GNG7: variants seen among roughly 807,000 people sequenced by gnomAD.
GNG7 encodes G protein subunit gamma 7.
Under a neutral mutation model 4.0 loss-of-function variants are expected in GNG7, and 1 was observed. That is an observed-to-expected ratio of 0.25 (90% CI 0.09 to 1.18). GNG7 has a LOEUF of 1.18. Among genes scored for constraint, GNG7 ranks in the 50% most tolerant of loss-of-function variants. The pLI is 0.50. For missense variants in GNG7, 86 were observed against 91.9 expected (o/e 0.94, Z 0.26); for synonymous variants, 34 against 36.9 (o/e 0.92, Z 0.29).
Position 2,633,812 on chromosome 19 carries a change from G to A in GNG7, c.-78+12412C>T, listed in dbSNP as rs1452540334. ...CTTCTGCACCGGGCCTTCTCCCCCC[G>A]GCACTGTGGGCATTTGGGGCTGAAT... On this transcript the variant is annotated intron_variant, in intron 2 of 4. Coordinates refer to ENST00000382159, the MANE Select transcript of GNG7 (RefSeq NM_052847.3). This position sits in a 1 kb window ranked among gnomAD's most constrained non-coding sequence, Gnocchi z 5.9. 2.6e-5 allele frequency among the ~76,000 whole-genome samples: 4 copies of A among 152,188 alleles called. No homozygotes were observed. In the East Asian group the frequency reaches 5.8e-4, roughly 22 times the overall value.
rs73510507 is a variant in GNG7 at position 2,634,345 on chromosome 19, G to A, written c.-78+11879C>T. ...TCCATGCCAGGAGCTCCCCCAAGTC[G>A]CGAAAACCACAGATGTCCCAGAAAT... is the stretch of plus-strand genomic sequence containing the variant. On this transcript the variant is annotated intron_variant, in intron 2 of 4. Coordinates refer to ENST00000382159, the MANE Select transcript of GNG7 (RefSeq NM_052847.3). This position sits in a 1 kb window ranked among gnomAD's most constrained non-coding sequence, Gnocchi z 5.3. Among the ~76,000 whole-genome samples the A allele has an allele frequency of 0.13, 20,359 of 152,100 alleles. 2,002 individuals are homozygous for A. Among genetic ancestry groups the A allele is most frequent in the African/African-American group, 0.27 (11,341 of 41,432 alleles).
intron 2 of GNG7, among the ~76,000 whole-genome samples, chr19:2,592,959 A>G (rs1009123939): frequency 5.5e-5 from 8 of 146,032 alleles, no homozygotes; most frequent in African/African-American, 2.0e-4. Context: ...CGGAAGAAAG[A>G]AAGAAAGGGA....
At chr19:2,656,263 C>A (rs1248688319) in intron 1 of GNG7, among the ~76,000 whole-genome samples, 1 of 152,082 alleles carries the variant, frequency 6.6e-6, no homozygotes, top group East Asian at 1.9e-4. Context: ...TTCACAATAG[C>A]CGAGATAGGA....
At chr19:2,636,896 C>T (rs1391565658) in intron 2 of GNG7, among the ~76,000 whole-genome samples, 13 of 151,912 alleles carry the variant, frequency 8.6e-5, no homozygotes, top group Admixed American at 8.5e-4. Flanking sequence ...CCACCTGCAC[C>T]CACCTGAACC....
Position 2,633,509 on chromosome 19 carries a change from A to G in GNG7, c.-78+12715T>C, listed in dbSNP as rs992634853. On this transcript the variant is annotated intron_variant, in intron 2 of 4. Transcript: ENST00000382159. This position sits in a 1 kb window ranked among gnomAD's most constrained non-coding sequence, Gnocchi z 5.9. ...CGCGCACACACACACACACACACAC[A>G]CACACACACACACACGAGAGGTGGC... is the stretch of plus-strand genomic sequence containing the variant. Among the ~76,000 whole-genome samples the G allele has an allele frequency of 3.4e-5, 5 of 148,730 alleles. No homozygotes were observed. Among genetic ancestry groups the G allele is most frequent in the Non-Finnish European group, 5.9e-5 (4 of 67,678 alleles).
chr19:2,630,264 C>T (rs1282292530), intron 2 of GNG7, among the ~76,000 whole-genome samples: 1 of 152,050 alleles, frequency 6.6e-6, no homozygotes, highest in East Asian at 1.9e-4. Context: ...TCTAAGATCT[C>T]CCTGGAGAAC....
At chr19:2,519,039 G>A (rs1467292762) in intron 4 of GNG7, among the ~76,000 whole-genome samples, 2 of 150,528 alleles carry the variant, frequency 1.3e-5, no homozygotes, top group African/African-American at 2.5e-5. Flanking sequence ...CTTGTGATCC[G>A]CCCACCTCAG....
intron 2 of GNG7, among the ~76,000 whole-genome samples, chr19:2,628,098 A>G (rs866770680): frequency 6.6e-6 from 1 of 152,230 alleles, no homozygotes; most frequent in Non-Finnish European, 1.5e-5. Flanking sequence ...CAATCTCAAC[A>G]TGGCAAACAA....
At chr19:2,575,888 C>G (rs902606073) in intron 2 of GNG7, among the ~76,000 whole-genome samples, 1 of 151,180 alleles carries the variant, frequency 6.6e-6, no homozygotes, top group African/African-American at 2.4e-5. Context: ...CGCAGGCACA[C>G]GCAGACACGC....
intron 2 of GNG7, among the ~76,000 whole-genome samples, chr19:2,607,052 C>G (rs1981406517): frequency 6.6e-6 from 1 of 151,738 alleles, no homozygotes; most frequent in African/African-American, 2.4e-5. Context: ...GAGACCCTGT[C>G]TCCACGAAAA....
chr19:2,643,305 C>T (rs552797654), intron 2 of GNG7: 2 of 416,386 alleles, frequency 4.8e-6, no homozygotes, highest in Middle Eastern at 3.3e-4. Context: ...ATGCAAAGTC[C>T]GAGACCTCCC....
chr19:2,640,636 CT>C (rs900363349), intron 2 of GNG7, among the ~76,000 whole-genome samples: 5 of 151,966 alleles, frequency 3.3e-5, no homozygotes, highest in African/African-American at 1.2e-4. Context: ...TTAGCTGTTG[CT>C]TTTTTTGGAG....
At chr19:2,586,653 A>G (rs967569531) in intron 2 of GNG7, among the ~76,000 whole-genome samples, 3 of 152,168 alleles carry the variant, frequency 2.0e-5, no homozygotes, top group African/African-American at 7.2e-5. Context: ...GCATCCCTCA[A>G]TGGGAACTCA....
intron 1 of GNG7, among the ~76,000 whole-genome samples, chr19:2,695,296 C>T (rs73920493): frequency 0.015 from 2,348 of 151,536 alleles, 79 homozygotes; most frequent in African/African-American, 0.053. Flanking sequence ...CCCCCCTGGA[C>T]GACTTCTTAT....
intron 1 of GNG7, among the ~76,000 whole-genome samples, chr19:2,685,122 C>T (rs1983839559): frequency 6.9e-6 from 1 of 144,400 alleles, no homozygotes; most frequent in Admixed American, 6.9e-5. Flanking sequence ...GAGACTCTGT[C>T]TAAAAAAAAA....
intron 3 of GNG7, among the ~76,000 whole-genome samples, chr19:2,550,256 C>G (rs890139067): frequency 6.6e-6 from 1 of 152,126 alleles, no homozygotes; most frequent in Non-Finnish European, 1.5e-5. Flanking sequence ...CTTGCTCTGT[C>G]GCCGAGGCTG....
chr19:2,599,050 G>A (rs1457347620), intron 2 of GNG7, among the ~76,000 whole-genome samples: 1 of 152,200 alleles, frequency 6.6e-6, no homozygotes, highest in Non-Finnish European at 1.5e-5. Flanking sequence ...GAGGCGAAGC[G>A]GGTGCCCCGC....
chr19:2,671,442 G>A (rs577896878), intron 1 of GNG7, among the ~76,000 whole-genome samples: 10 of 152,260 alleles, frequency 6.6e-5, no homozygotes, highest in Admixed American at 5.9e-4. Context: ...TCAAGGTGAC[G>A]TTGTCCGGCC....
intron 2 of GNG7, among the ~76,000 whole-genome samples, chr19:2,580,286 ATTTTTT>A (rs5826774): frequency 3.0e-5 from 4 of 133,606 alleles, no homozygotes; most frequent in African/African-American, 1.1e-4. Flanking sequence ...GTCTGGTTCT[ATTTTTT>A]TTTTTTTTTT....
Sources: allele counts gnomAD v4.1 joint callset (sites outside exome capture counted in the v4.1 genomes callset), GRCh38; gene constraint gnomAD v4.1.1; non-coding constraint Gnocchi (gnomAD v3.1); transcripts MANE v1.5; gene names NCBI Gene and HGNC (gene_info 2026-07-23, HGNC 2026-07-21).